CNIH3: variants seen among roughly 807,000 people sequenced by gnomAD.
CNIH3 encodes the protein cornichon family AMPA receptor auxiliary protein 3.
Under a neutral mutation model 24.1 loss-of-function variants are expected in CNIH3, and 14 were observed. That is an observed-to-expected ratio of 0.58 (90% CI 0.38 to 0.91). The LOEUF is 0.91. Among genes scored for constraint, CNIH3 ranks in the 40% least tolerant of loss-of-function variants. The pLI is 0.00. For synonymous variants in CNIH3, 68 were observed against 73.8 expected (o/e 0.92, Z 0.40); for missense variants, 178 against 196.8 (o/e 0.90, Z 0.57).
intron 1 of CNIH3, among the ~76,000 whole-genome samples, chr1:224,497,081 A>T (rs1365936757): frequency 6.6e-6 from 1 of 152,232 alleles, no homozygotes; most frequent in Non-Finnish European, 1.5e-5. Context: ...TACAACATGG[A>T]TGACTCTTGA....
At chr1:224,498,869 C>T (rs1462877789) in intron 1 of CNIH3, among the ~76,000 whole-genome samples, 1 of 152,234 alleles carries the variant, frequency 6.6e-6, no homozygotes, top group Non-Finnish European at 1.5e-5. Flanking sequence ...GGAATCAAGA[C>T]ACTTACATTG....
At chr1:224,687,474 G>T (rs1299949574) in intron 3 of CNIH3, among the ~76,000 whole-genome samples, 1 of 152,062 alleles carries the variant, frequency 6.6e-6, no homozygotes, top group Non-Finnish European at 1.5e-5. Flanking sequence ...TTCAAGTGAT[G>T]CTCCCAACTT....
intron 1 of CNIH3, among the ~76,000 whole-genome samples, chr1:224,503,101 A>T (rs554658736): frequency 6.6e-6 from 1 of 152,292 alleles, no homozygotes; most frequent in East Asian, 1.9e-4. Context: ...TTCTGCACGG[A>T]TGAAGTCACC....
At chr1:224,542,646 C>T (rs1296088156) in intron 2 of CNIH3, among the ~76,000 whole-genome samples, 1 of 152,124 alleles carries the variant, frequency 6.6e-6, no homozygotes, top group African/African-American at 2.4e-5. Context: ...CTCATAGGAT[C>T]AATGAGAAGG....
intron 1 of CNIH3, among the ~76,000 whole-genome samples, chr1:224,464,718 C>T (rs1314366604): frequency 6.6e-6 from 1 of 152,128 alleles, no homozygotes; most frequent in Non-Finnish European, 1.5e-5. Context: ...GTTTTGATTC[C>T]TGTAGCTTTT....
intron 1 of CNIH3, among the ~76,000 whole-genome samples, chr1:224,470,008 GTTA>G (rs779236090): frequency 2.2e-4 from 33 of 151,084 alleles, no homozygotes; most frequent in African/African-American, 4.1e-4. Flanking sequence ...CTTTCTTTCA[GTTA>G]TTCTTCTTCT....
intron 1 of CNIH3, among the ~76,000 whole-genome samples, chr1:224,647,115 T>G (rs1030122838): frequency 3.9e-5 from 6 of 152,070 alleles, no homozygotes; most frequent in Admixed American, 2.0e-4. Flanking sequence ...GCCTCCTGAG[T>G]GGGGTTACAG....
chr1:224,635,601 C>T (rs906214140), intron 1 of CNIH3, among the ~76,000 whole-genome samples: 21 of 152,202 alleles, frequency 1.4e-4, no homozygotes, highest in Non-Finnish European at 2.8e-4. Flanking sequence ...ACAGCCGAGC[C>T]GGCCTCGGCC....
chr1:224,472,707 G>A (rs1676420510), intron 1 of CNIH3, among the ~76,000 whole-genome samples: 1 of 152,088 alleles, frequency 6.6e-6, no homozygotes, highest in Admixed American at 6.5e-5. Context: ...GGTGATGAGT[G>A]CACCACAATC....
At chr1:224,469,715 G>T (rs1036836380) in intron 1 of CNIH3, among the ~76,000 whole-genome samples, 3 of 152,006 alleles carry the variant, frequency 2.0e-5, no homozygotes, top group African/African-American at 7.3e-5. Flanking sequence ...TTAATATTTT[G>T]TTGAGGACTC....
chr1:224,497,117 A>G (rs1677470083), intron 1 of CNIH3, among the ~76,000 whole-genome samples: 1 of 152,262 alleles, frequency 6.6e-6, no homozygotes, highest in Admixed American at 6.5e-5. Context: ...GAAGCCAGTC[A>G]CAAAAAAACT....
chr1:224,447,965 G>A (rs996605242), intron 1 of CNIH3, among the ~76,000 whole-genome samples: 1 of 152,182 alleles, frequency 6.6e-6, no homozygotes, highest in South Asian at 2.1e-4. Flanking sequence ...CACACAGCTC[G>A]TCAAGGGCAA....
In CNIH3 at chr1:224,656,844, A is replaced by G. The variant is rs75717167; in HGVS notation, c.82-24114A>G. On this transcript the variant is annotated intron_variant, in intron 1 of 5. Transcript: ENST00000272133. ...TTAATATATTTCTTAATTATTTTGT[A>G]TGTGATCTAGAGTTAGGAGTTGGAG... Among the ~76,000 whole-genome samples, 430 of 152,264 alleles carry G rather than the reference A, an allele frequency of 2.8e-3. 8 individuals are homozygous for G. The East Asian group carries it at 0.03, about 11-fold the overall frequency.
chr1:224,684,728 GC>G lies in CNIH3; in HGVS notation c.151-66del, dbSNP rs1686569078. ...CTCCACTATTGGGGCTGATTGCGGG[GC>G]CTTCTCATGCTATTTTAGCAGAACC... On this transcript the variant is annotated intron_variant, in intron 2 of 5. Coordinates refer to ENST00000272133, the MANE Select transcript of CNIH3 (RefSeq NM_152495.2). The surrounding 1 kb of genome is among the most constrained non-coding windows in gnomAD (Gnocchi z 4.2). 1.4e-6 allele frequency: 2 copies of G among 1,409,322 alleles called. No homozygotes were observed. The highest frequency in any genetic ancestry group is 2.0e-6 in the Non-Finnish European group (2 of 993,976). The allele number at this position is 1,409,322 out of a possible 1,614,324, so 87.3% of individuals were successfully genotyped here.
At chr1:224,475,675 A>G (rs1038138527) in intron 1 of CNIH3, among the ~76,000 whole-genome samples, 2 of 152,182 alleles carry the variant, frequency 1.3e-5, no homozygotes, top group African/African-American at 4.8e-5. Flanking sequence ...GATAATACCA[A>G]CCCTGCTCAA....
At chr1:224,634,226 C>T (rs568342273) in intron 1 of CNIH3, among the ~76,000 whole-genome samples, 1 of 152,346 alleles carries the variant, frequency 6.6e-6, no homozygotes, top group Admixed American at 6.5e-5. Flanking sequence ...TGGATGAGGG[C>T]TTTGCAGGAC....
intron 1 of CNIH3, among the ~76,000 whole-genome samples, chr1:224,624,178 A>G (rs2125069018): frequency 6.6e-6 from 1 of 152,230 alleles, no homozygotes; most frequent in South Asian, 2.1e-4. Flanking sequence ...GCACTTGATG[A>G]GGACATCAGT....
At chr1:224,559,401 G>A (rs759761784) in intron 3 of CNIH3, among the ~76,000 whole-genome samples, 21 of 152,062 alleles carry the variant, frequency 1.4e-4, no homozygotes, top group Middle Eastern at 3.2e-3. Flanking sequence ...GTCTTGCTCC[G>A]TCACCCAGGC....
chr1:224,713,549 T>C (rs1163522417), intron 3 of CNIH3, among the ~76,000 whole-genome samples: 1 of 152,158 alleles, frequency 6.6e-6, no homozygotes, highest in South Asian at 2.1e-4. Context: ...ACCTGTAAAG[T>C]AGGGATTATA....
Sources: allele counts gnomAD v4.1 joint callset (sites outside exome capture counted in the v4.1 genomes callset), GRCh38; gene constraint gnomAD v4.1.1; non-coding constraint Gnocchi (gnomAD v3.1); transcripts MANE v1.5; gene names NCBI Gene and HGNC (gene_info 2026-07-23, HGNC 2026-07-21).